The following UBE2V2 variants were observed in gnomAD, a reference collection of about 807,000 sequenced individuals.
The protein encoded by UBE2V2 is ubiquitin conjugating enzyme E2 V2, also known as ubiquitin-conjugating enzyme E2 variant 2.
In UBE2V2, 9 loss-of-function variants were observed where a neutral mutation model predicts 17.2. That is an observed-to-expected ratio of 0.52 (90% CI 0.32 to 0.91). The LOEUF (loss-of-function observed/expected upper bound fraction) is 0.91. Ranked by LOEUF, UBE2V2 falls within the 40% of genes least tolerant of loss-of-function variation. The pLI is 0.04. For synonymous variants in UBE2V2, 61 were observed against 57.5 expected, an observed-to-expected ratio of 1.06 and a Z score of -0.28; for missense variants, 133 against 182.6, an observed-to-expected ratio of 0.73 and a Z score of 1.56.
intron 1 of UBE2V2, among the ~76,000 whole-genome samples, chr8:48,038,347 G>A (rs574315294): frequency 2.5e-4 from 38 of 151,930 alleles, no homozygotes; most frequent in Non-Finnish European, 4.4e-4. Context: ...AGACAGAGTC[G>A]GACTCCGTCA....
rs1366896367 is a variant in UBE2V2 at position 48,028,012 on chromosome 8, C to G, written c.17-15021C>G. Among the ~76,000 whole-genome samples, 4 of 152,024 alleles carry G rather than the reference C, an allele frequency of 2.6e-5. 1 individual carries two copies. Among genetic ancestry groups the G allele is most frequent in the Non-Finnish European group, 2.9e-5 (2 of 68,000 alleles). ...GGGATTACAGGTGCCCACCACCACG[C>G]CTGGCTAATTTTTGTATTTTTAGTA... On this transcript the variant is annotated intron_variant, in intron 1 of 3. Coordinates refer to ENST00000523111, the MANE Select transcript of UBE2V2 (RefSeq NM_003350.3).
chr8:48,000,665 C>CA, the UBE2V2 span, among the ~76,000 whole-genome samples: 5 of 151,196 alleles, frequency 3.3e-5, no homozygotes, highest in African/African-American at 9.7e-5. Context: ...ACTAAAAATA[C>CA]AAAAAAATTA....
intron 1 of UBE2V2, among the ~76,000 whole-genome samples, chr8:48,035,474 G>A (rs904805128): frequency 8.5e-5 from 13 of 152,092 alleles, no homozygotes; most frequent in African/African-American, 3.1e-4. Context: ...GCAGCTTCAA[G>A]GGGAGGAGGG....
intron 1 of UBE2V2, among the ~76,000 whole-genome samples, chr8:48,016,551 C>T (rs542275143): frequency 1.3e-4 from 19 of 151,880 alleles, no homozygotes; most frequent in African/African-American, 2.7e-4. Flanking sequence ...GGCATGATCT[C>T]GGCTCATTGC....
intron 3 of UBE2V2, 92 bp downstream of exon 3, chr8:48,050,070 A>G: frequency 1.1e-6 from 1 of 920,548 alleles, no homozygotes; most frequent in Non-Finnish European, 1.5e-6. Context: ...TAAGATATTA[A>G]TATGTAGTTA....
intron 1 of UBE2V2, among the ~76,000 whole-genome samples, chr8:48,032,972 G>C (rs181632751): frequency 1.2e-4 from 18 of 152,184 alleles, no homozygotes; most frequent in African/African-American, 4.3e-4. Context: ...TGCTGGATGA[G>C]TGTTAAAAGC....
upstream of UBE2V2, among the ~76,000 whole-genome samples, chr8:48,007,015 G>C (rs2091187796): frequency 6.6e-6 from 1 of 151,810 alleles, no homozygotes; most frequent in African/African-American, 2.4e-5. Flanking sequence ...CGAGTAGCTG[G>C]GACTACAGGG....
At chr8:48,000,817 G>A in the UBE2V2 span, among the ~76,000 whole-genome samples, 2 of 91,438 alleles carry the variant, frequency 2.2e-5, no homozygotes, top group African/African-American at 9.4e-5. Context: ...GGGAGACTTT[G>A]CCTCAAAAAA....
chr8:48,036,906 G>A (rs1009846331), intron 1 of UBE2V2, among the ~76,000 whole-genome samples: 1 of 152,014 alleles, frequency 6.6e-6, no homozygotes, highest in African/African-American at 2.4e-5. Context: ...CTGGCCAGGC[G>A]CGGTGGCTCA....
chr8:48,046,278 C>T (rs940812934), intron 2 of UBE2V2, among the ~76,000 whole-genome samples: 6 of 152,150 alleles, frequency 3.9e-5, no homozygotes, highest in African/African-American at 1.4e-4. Flanking sequence ...GTCACCACGC[C>T]CTGCTGATTT....
upstream of UBE2V2, among the ~76,000 whole-genome samples, chr8:48,008,002 C>T (rs929321254): frequency 3.9e-5 from 6 of 152,002 alleles, no homozygotes; most frequent in African/African-American, 1.2e-4. Flanking sequence ...GGCTCATTGC[C>T]CCTCCGCCTC....
intron 1 of UBE2V2, chr8:48,035,054 C>G: frequency 1.0e-6 from 1 of 983,702 alleles, no homozygotes. Flanking sequence ...TAGCATTCCT[C>G]TTACAAGGTG....
intron 1 of UBE2V2, among the ~76,000 whole-genome samples, chr8:48,038,340 CAG>C (rs2091438284): frequency 6.6e-6 from 1 of 152,134 alleles, no homozygotes; most frequent in Admixed American, 6.6e-5. Flanking sequence ...TATTTTGAGA[CAG>C]AGTCGGACTC....
chr8:48,047,046 A>G (rs2091504556), intron 2 of UBE2V2, among the ~76,000 whole-genome samples: 2 of 150,780 alleles, frequency 1.3e-5, no homozygotes, highest in Admixed American at 1.3e-4. Context: ...GGTTCAAGTG[A>G]TTCTCCTGCC....
chr8:48,054,911 T>TC (rs1309617552), intron 3 of UBE2V2, among the ~76,000 whole-genome samples: 1 of 152,134 alleles, frequency 6.6e-6, no homozygotes, highest in Non-Finnish European at 1.5e-5. Flanking sequence ...ATCTTTTTTT[T>TC]CTTTTCCTCC....
intron 1 of UBE2V2, among the ~76,000 whole-genome samples, chr8:48,018,003 T>TG: frequency 6.6e-6 from 1 of 151,926 alleles, no homozygotes; most frequent in South Asian, 2.1e-4. Context: ...ACCTGGCTAA[T>TG]GTTTTGTATT....
intron 1 of UBE2V2, among the ~76,000 whole-genome samples, chr8:48,010,666 A>G (rs1198056595): frequency 6.7e-6 from 1 of 148,220 alleles, no homozygotes; most frequent in African/African-American, 2.5e-5. Context: ...TGCTGGGATT[A>G]CAGGTGTGAG....
At chr8:48,054,749 G>A (rs1162184464) in intron 3 of UBE2V2, among the ~76,000 whole-genome samples, 1 of 152,146 alleles carries the variant, frequency 6.6e-6, no homozygotes, top group Non-Finnish European at 1.5e-5. Context: ...ATTCCCTGTG[G>A]GTGGTTAGCA....
chr8:48,035,974 C>T (rs867346416), intron 1 of UBE2V2, among the ~76,000 whole-genome samples: 177 of 141,452 alleles, frequency 1.3e-3, no homozygotes, highest in Non-Finnish European at 2.3e-3. Flanking sequence ...TTTTTGAGAC[C>T]GAATCTCACT....
Sources: allele counts gnomAD v4.1 joint callset (sites outside exome capture counted in the v4.1 genomes callset), GRCh38; gene constraint gnomAD v4.1.1; transcripts MANE v1.5; gene names NCBI Gene and HGNC (gene_info 2026-07-23, HGNC 2026-07-21).